Variants in TENM2 observed in about 807,000 individuals in gnomAD.
TENM2 encodes the protein teneurin transmembrane protein 2.
In TENM2, 52 loss-of-function variants were observed where a neutral mutation model predicts 245.2. The observed-to-expected ratio is 0.21, with a 90% CI of 0.17 to 0.27. The LOEUF is 0.27. Ranked by LOEUF, TENM2 falls within the 10% of genes least tolerant of loss-of-function variation. The probability of loss-of-function intolerance (pLI) is 1.00; values close to 1 mark genes in which losing one functional copy is unlikely to be tolerated. For synonymous variants in TENM2, 1,363 were observed against 1,438.9 expected (o/e 0.95, Z 1.19); for missense variants, 3,046 against 3,666.8 (o/e 0.83, Z 4.37).
At chr5:167,858,848 G>A (rs1479987874) in intron 2 of TENM2, among the ~76,000 whole-genome samples, 1 of 141,950 alleles carries the variant, frequency 7.0e-6, no homozygotes, top group East Asian at 2.1e-4. Context: ...GAGCGGACGG[G>A]CCCCGCGGGG....
intron 2 of TENM2, among the ~76,000 whole-genome samples, chr5:167,700,991 G>C (rs1231163486): frequency 1.4e-5 from 2 of 146,560 alleles, no homozygotes; most frequent in African/African-American, 5.0e-5. Context: ...AGTTTTTGGG[G>C]AACTCCAGGG....
At chr5:168,167,961 T>A (rs1204887881) in intron 13 of TENM2, among the ~76,000 whole-genome samples, 1 of 152,220 alleles carries the variant, frequency 6.6e-6, no homozygotes, top group African/African-American at 2.4e-5. Context: ...TTAATATTAA[T>A]GTTATTTTCT....
At chr5:167,470,379 A>G (rs1439938611) in intron 2 of TENM2, among the ~76,000 whole-genome samples, 1 of 149,172 alleles carries the variant, frequency 6.7e-6, no homozygotes, top group African/African-American at 2.5e-5. Flanking sequence ...TTACTTCCTA[A>G]TATGTCAGTA....
chr5:167,207,239 G>A, the TENM2 span, among the ~76,000 whole-genome samples: 1 of 152,266 alleles, frequency 6.6e-6, no homozygotes, highest in African/African-American at 2.4e-5. Flanking sequence ...CTTGAAACAC[G>A]TGATGGTGCG....
At chr5:168,073,141 A>G (rs1791170323) in intron 7 of TENM2, among the ~76,000 whole-genome samples, 1 of 152,156 alleles carries the variant, frequency 6.6e-6, no homozygotes. Flanking sequence ...TGCTAGCACT[A>G]TGCTCTTGTA....
At chr5:167,145,721 C>A in the TENM2 span, among the ~76,000 whole-genome samples, 1 of 152,174 alleles carries the variant, frequency 6.6e-6, no homozygotes, top group Non-Finnish European at 1.5e-5. Flanking sequence ...CGCTGCCCGG[C>A]TGTCTTGTGT....
At chr5:167,733,835 T>C (rs1413590841) in intron 2 of TENM2, among the ~76,000 whole-genome samples, 1 of 152,068 alleles carries the variant, frequency 6.6e-6, no homozygotes, top group Non-Finnish European at 1.5e-5. Flanking sequence ...CTATCATGTA[T>C]TGCGTATATA....
At chr5:168,079,323 A>AT (rs1322133761) in intron 7 of TENM2, among the ~76,000 whole-genome samples, 2 of 152,144 alleles carry the variant, frequency 1.3e-5, no homozygotes, top group Admixed American at 1.3e-4. Context: ...GCTTAAGGAG[A>AT]TTTTGGGCTG....
intron 10 of TENM2, among the ~76,000 whole-genome samples, chr5:168,121,231 T>C (rs1017269202): frequency 6.6e-6 from 1 of 152,208 alleles, no homozygotes; most frequent in Non-Finnish European, 1.5e-5. Flanking sequence ...GCCAGGGGGC[T>C]GATGTTTCGA....
intron 18 of TENM2, 38 bp downstream of exon 20, chr5:168,203,870 C>T: frequency 3.2e-6 from 5 of 1,559,242 alleles, no homozygotes; most frequent in Non-Finnish European, 4.4e-6. Context: ...TACAGCCTTG[C>T]CACTTCTCTG....
chr5:167,153,028 T>C, the TENM2 span, among the ~76,000 whole-genome samples: 6 of 151,952 alleles, frequency 3.9e-5, no homozygotes, highest in Non-Finnish European at 8.8e-5. Context: ...TTAAGAATAT[T>C]TGGTGACTTA....
intron 2 of TENM2, 120 bp downstream of exon 4, chr5:167,375,593 C>A: frequency 1.9e-6 from 2 of 1,070,132 alleles, no homozygotes; most frequent in Non-Finnish European, 2.7e-6. Flanking sequence ...TGAAATCGAC[C>A]TTGTCTACCC....
intron 2 of TENM2, among the ~76,000 whole-genome samples, chr5:167,483,903 G>A (rs1420994687): frequency 6.6e-6 from 1 of 152,142 alleles, no homozygotes; most frequent in African/African-American, 2.4e-5. Flanking sequence ...CTGAAAGTTT[G>A]GCAGTTTGAC....
At chr5:167,483,005 A>G (rs906136292) in intron 2 of TENM2, among the ~76,000 whole-genome samples, 2 of 152,164 alleles carry the variant, frequency 1.3e-5, no homozygotes, top group African/African-American at 2.4e-5. Context: ...ACTTTTCAAA[A>G]TATCAGATTT....
At chr5:167,633,895 G>A (rs1276039082) in intron 2 of TENM2, among the ~76,000 whole-genome samples, 2 of 152,094 alleles carry the variant, frequency 1.3e-5, no homozygotes, top group Non-Finnish European at 2.9e-5. Context: ...CAGCCATTTT[G>A]CTTTGGTTCA....
intron 4 of TENM2, among the ~76,000 whole-genome samples, chr5:167,990,848 A>G (rs557611188): frequency 6.6e-6 from 1 of 152,340 alleles, no homozygotes; most frequent in East Asian, 1.9e-4. Context: ...TCAAGGTTTT[A>G]TCTGCAAACA....
chr5:168,187,687 T>A (rs1399102619), intron 13 of TENM2: 3 of 152,262 alleles, frequency 2.0e-5, no homozygotes, highest in Non-Finnish European at 2.9e-5. Context: ...CAGAATTCTA[T>A]GCACTTTTTT....
chr5:167,586,755 A>G (rs1257834646), intron 2 of TENM2, among the ~76,000 whole-genome samples: 1 of 152,250 alleles, frequency 6.6e-6, no homozygotes, highest in African/African-American at 2.4e-5. Flanking sequence ...CAATCACAGT[A>G]TCCCTCATTT....
intron 2 of TENM2, among the ~76,000 whole-genome samples, chr5:167,783,823 G>A (rs1438791026): frequency 6.6e-6 from 1 of 152,104 alleles, no homozygotes; most frequent in Non-Finnish European, 1.5e-5. Context: ...CTCCCAGGGT[G>A]CGTGTCTCTC....
Sources: allele counts gnomAD v4.1 joint callset (sites outside exome capture counted in the v4.1 genomes callset), GRCh38; gene constraint gnomAD v4.1.1; transcripts MANE v1.5; gene names NCBI Gene and HGNC (gene_info 2026-07-23, HGNC 2026-07-21).